DLGAP2: variants seen among roughly 807,000 people sequenced by gnomAD.
DLGAP2 encodes the protein DLG associated protein 2.
A neutral mutation model predicts 100.3 loss-of-function variants in DLGAP2; 26 were observed. That is an observed-to-expected ratio of 0.26 (90% CI 0.19 to 0.36). DLGAP2 has a LOEUF of 0.36. Among genes scored for constraint, DLGAP2 ranks in the 10% least tolerant of loss-of-function variants. DLGAP2 has a pLI of 1.00. For missense variants in DLGAP2, 1,858 were observed against 1,453.2 expected, an observed-to-expected ratio of 1.28 and a Z score of -4.53; for synonymous variants, 886 against 630.1, an observed-to-expected ratio of 1.41 and a Z score of -6.08.
intron 2 of DLGAP2, among the ~76,000 whole-genome samples, chr8:922,481 A>G (rs1014077504): frequency 3.3e-5 from 5 of 152,232 alleles, no homozygotes; most frequent in African/African-American, 4.8e-5. Flanking sequence ...CTAAAGGGGA[A>G]AGGTTTTTAA....
chr8:947,423 C>T (rs541352584), intron 2 of DLGAP2, among the ~76,000 whole-genome samples: 2 of 152,342 alleles, frequency 1.3e-5, no homozygotes, highest in East Asian at 1.9e-4. Flanking sequence ...GCACTTGCTG[C>T]GACAGGCCCC....
chr8:1,324,775 C>G (rs1423152465), intron 3 of DLGAP2, among the ~76,000 whole-genome samples: 2 of 152,190 alleles, frequency 1.3e-5, no homozygotes, highest in Admixed American at 6.5e-5. Flanking sequence ...TGTCTTTCTT[C>G]CTAAAATATC....
chr8:1,461,461 A>G (rs1255576369), intron 3 of DLGAP2, among the ~76,000 whole-genome samples: 38 of 7,200 alleles, frequency 5.3e-3, no homozygotes, highest in Admixed American at 0.011. Context: ...TGATTCGGTG[A>G]CCAGGAGGAG....
chr8:1,257,319 C>G (rs901427149), intron 2 of DLGAP2, among the ~76,000 whole-genome samples: 2 of 152,146 alleles, frequency 1.3e-5, no homozygotes, highest in African/African-American at 4.8e-5. Flanking sequence ...CTGTGAGGCT[C>G]TGCCTCAGAA....
chr8:1,251,705 C>T (rs775561677), intron 2 of DLGAP2, among the ~76,000 whole-genome samples: 7 of 152,202 alleles, frequency 4.6e-5, no homozygotes, highest in Non-Finnish European at 8.8e-5. Context: ...GTCAGGTCAT[C>T]ATGTCATACA....
At chr8:787,251 G>GT (rs1821892831) in intron 1 of DLGAP2, among the ~76,000 whole-genome samples, 1 of 152,110 alleles carries the variant, frequency 6.6e-6, no homozygotes, top group Admixed American at 6.6e-5. Flanking sequence ...TCGAACGTTA[G>GT]TAACTATGGC....
At chr8:1,382,739 C>G (rs1796125547) in intron 3 of DLGAP2, among the ~76,000 whole-genome samples, 2 of 152,062 alleles carry the variant, frequency 1.3e-5, no homozygotes, top group South Asian at 4.2e-4. Context: ...GAGACCCTGT[C>G]TCAAAGGGGA....
intron 2 of DLGAP2, among the ~76,000 whole-genome samples, chr8:1,156,839 A>T (rs185529681): frequency 2.9e-4 from 44 of 152,124 alleles, no homozygotes; most frequent in Non-Finnish European, 5.1e-4. Context: ...ATTCACACTG[A>T]GAGAGGTTGG....
At chr8:1,335,444 CA>C (rs1801252402) in intron 3 of DLGAP2, among the ~76,000 whole-genome samples, 1 of 152,174 alleles carries the variant, frequency 6.6e-6, no homozygotes, top group Admixed American at 6.5e-5. Flanking sequence ...TCCAGAGACC[CA>C]AAACCAAACG....
chr8:1,503,987 A>C (rs761062067), intron 4 of DLGAP2, among the ~76,000 whole-genome samples: 56 of 152,206 alleles, frequency 3.7e-4, no homozygotes, highest in African/African-American at 1.3e-3. Flanking sequence ...TGGAGTCACA[A>C]GATTTGTGCA....
At chr8:917,265 G>C (rs1798614938) in intron 2 of DLGAP2, among the ~76,000 whole-genome samples, 1 of 127,818 alleles carries the variant, frequency 7.8e-6, no homozygotes. Flanking sequence ...CTTCCTGACA[G>C]TCTCACTCCA....
At chr8:1,661,752 C>T (rs961654643) in intron 8 of DLGAP2, among the ~76,000 whole-genome samples, 3 of 152,204 alleles carry the variant, frequency 2.0e-5, no homozygotes, top group Non-Finnish European at 2.9e-5. Flanking sequence ...TAGAAAGGAA[C>T]TCAGATAAGA....
intron 1 of DLGAP2, among the ~76,000 whole-genome samples, chr8:775,049 C>T (rs372681169): frequency 9.9e-5 from 15 of 152,246 alleles, no homozygotes; most frequent in African/African-American, 2.6e-4. Context: ...TAGTTCTCCT[C>T]GAAGAGGTCC....
rs532618755 is a variant in DLGAP2 at position 887,457 on chromosome 8, C to G, written c.19-20455C>G. 3.3e-5 allele frequency among the ~76,000 whole-genome samples: 5 copies of G among 152,272 alleles called. No individual in the cohort carries two copies. In the East Asian group the frequency reaches 9.6e-4, roughly 29 times the overall value. On this transcript the variant is annotated intron_variant, in intron 1 of 14. Coordinates refer to ENST00000637795, the MANE Select transcript of DLGAP2 (RefSeq NM_001346810.2). ...TTTTCCACACTAGTTGATGCAGATT[C>G]TTCATAGTGTCATTGGTCTTTATAT...
chr8:1,110,751 C>T (rs989587494), intron 2 of DLGAP2, among the ~76,000 whole-genome samples: 2 of 149,474 alleles, frequency 1.3e-5, no homozygotes, highest in Non-Finnish European at 3.0e-5. Flanking sequence ...TTGAGTGTCC[C>T]GCAGCCCTGC....
intron 3 of DLGAP2, among the ~76,000 whole-genome samples, chr8:1,275,458 G>T (rs888810251): frequency 6.6e-6 from 1 of 151,688 alleles, no homozygotes; most frequent in African/African-American, 2.4e-5. Context: ...TGGTCCTGGG[G>T]CCATCCGGAG....
At chr8:1,621,528 C>G (rs1797337201) in intron 6 of DLGAP2, 1 of 152,392 alleles carries the variant, frequency 6.6e-6, no homozygotes, top group Non-Finnish European at 1.5e-5. Context: ...TCTCAGCTGG[C>G]CGTGGGTCAG....
intron 5 of DLGAP2, 37 bp from the exon 6 acceptor site, chr8:1,565,645 AC>A: frequency 1.3e-6 from 2 of 1,556,666 alleles, no homozygotes; most frequent in Non-Finnish European, 1.8e-6. Flanking sequence ...GTTCTCAGTG[AC>A]AAAGTTGATG....
intron 1 of DLGAP2, among the ~76,000 whole-genome samples, chr8:877,974 T>A (rs1166023067): frequency 6.6e-6 from 1 of 152,194 alleles, no homozygotes; most frequent in Non-Finnish European, 1.5e-5. Flanking sequence ...CAGGTACTTG[T>A]CTCCCTGAAT....
Sources: allele counts gnomAD v4.1 joint callset (sites outside exome capture counted in the v4.1 genomes callset), GRCh38; gene constraint gnomAD v4.1.1; transcripts MANE v1.5; gene names NCBI Gene and HGNC (gene_info 2026-07-23, HGNC 2026-07-21).